Variants in MAPRE1 observed in about 807,000 individuals in gnomAD.
The protein encoded by MAPRE1 is microtubule-associated protein RP/EB family member 1.
In MAPRE1, 5 loss-of-function variants were observed where a neutral mutation model predicts 32.1. The observed-to-expected ratio is 0.16, with a 90% CI of 0.08 to 0.33. The LOEUF is 0.33. Ranked by LOEUF, MAPRE1 falls within the 10% of genes least tolerant of loss-of-function variation. The pLI, the probability that MAPRE1 is intolerant of heterozygous loss-of-function variation, is 1.00. For synonymous variants in MAPRE1, 122 were observed against 118.9 expected (o/e 1.03, Z -0.17); for missense variants, 209 against 327.2 (o/e 0.64, Z 2.79).
chr20:32,844,974 C>T (rs559884996), intron 5 of MAPRE1, among the ~76,000 whole-genome samples: 1 of 152,044 alleles, frequency 6.6e-6, no homozygotes, highest in Non-Finnish European at 1.5e-5. Flanking sequence ...TGCCGGCCAC[C>T]AGGCAGTAGC....
intron 2 of MAPRE1, 61 bp downstream of exon 2, chr20:32,826,109 A>G (rs1293901304): frequency 2.0e-6 from 3 of 1,506,130 alleles, no homozygotes; most frequent in Non-Finnish European, 2.7e-6. Context: ...AGGAATGTGA[A>G]GGCCTGTATC....
intron 2 of MAPRE1, among the ~76,000 whole-genome samples, chr20:32,826,333 C>T (rs965464849): frequency 6.7e-6 from 1 of 148,992 alleles, no homozygotes; most frequent in Non-Finnish European, 1.5e-5. Flanking sequence ...TCTCCTGCCT[C>T]AGTCTCCTGA....
intron 3 of MAPRE1, among the ~76,000 whole-genome samples, chr20:32,836,425 T>G (rs1305972503): frequency 6.6e-6 from 1 of 152,218 alleles, no homozygotes; most frequent in African/African-American, 2.4e-5. Context: ...TTCATACATT[T>G]GAGAGAGTGG....
At chr20:32,846,507 C>T in intron 5 of MAPRE1, 111 bp from the exon 6 acceptor site, 1 of 974,932 alleles carries the variant, frequency 1.0e-6, no homozygotes, top group African/African-American at 1.6e-5. Context: ...TGGTTTTTGT[C>T]TGTGTTGGGG....
At chr20:32,820,158 T>C (rs1490315371) in intron 1 of MAPRE1, 130 bp downstream of exon 1, 2 of 82,410 alleles carry the variant, frequency 2.4e-5, no homozygotes, top group Non-Finnish European at 4.9e-5. Context: ...TCGAGCCGGG[T>C]GGGGGAAGGG....
chr20:32,827,265 G>A (rs781261381), intron 2 of MAPRE1, among the ~76,000 whole-genome samples: 3 of 151,982 alleles, frequency 2.0e-5, no homozygotes, highest in Non-Finnish European at 4.4e-5. Context: ...AAAATTAGCC[G>A]GGGGTGGTGG....
At chr20:32,838,792 C>G (rs189884268) in intron 4 of MAPRE1, among the ~76,000 whole-genome samples, 2 of 152,284 alleles carry the variant, frequency 1.3e-5, no homozygotes, top group East Asian at 3.9e-4. Context: ...GAGAGTCATC[C>G]AGAGGAAATG....
intron 2 of MAPRE1, among the ~76,000 whole-genome samples, chr20:32,828,460 G>C (rs1274391636): frequency 1.3e-5 from 2 of 152,220 alleles, no homozygotes; most frequent in Non-Finnish European, 2.9e-5. Flanking sequence ...TCGGGCTCTA[G>C]GTTTATCTCA....
rs1248449004 is a variant in MAPRE1 at position 32,839,716 on chromosome 20, C to G, written c.476-19C>G. ...GGCTGGAATTACTCCTTTTCAAAAA[C>G]CTGTGCTCTCTTTTTCAGCTCCCCA... On this transcript the variant is annotated intron_variant, in intron 4 of 6. Transcript: ENST00000375571. 1 of 1,612,362 alleles carries G rather than the reference C, an allele frequency of 6.2e-7. No homozygotes were observed. Among genetic ancestry groups the G allele is most frequent in the South Asian group, 1.1e-5 (1 of 90,890 alleles).
At chr20:32,822,547 A>G (rs963781141) in intron 1 of MAPRE1, among the ~76,000 whole-genome samples, 4 of 152,128 alleles carry the variant, frequency 2.6e-5, no homozygotes, top group Non-Finnish European at 5.9e-5. Context: ...CAAGGTCCCT[A>G]CCCTACATCT....
At chr20:32,826,306 TCC>T (rs1982847002) in intron 2 of MAPRE1, among the ~76,000 whole-genome samples, 1 of 149,166 alleles carries the variant, frequency 6.7e-6, no homozygotes, top group Non-Finnish European at 1.5e-5. Context: ...AAGCTCCGCT[TCC>T]CGGGTTCACA....
At chr20:32,828,005 T>G (rs995627828) in intron 2 of MAPRE1, among the ~76,000 whole-genome samples, 1 of 151,916 alleles carries the variant, frequency 6.6e-6, no homozygotes. Context: ...TCGGTCTTAG[T>G]TTCATTGACT....
chr20:32,836,821 C>A lies in MAPRE1; in HGVS notation c.455C>A (p.Pro152His), dbSNP rs1486773300. 4 of 1,610,398 alleles carry A rather than the reference C, an allele frequency of 2.5e-6. No homozygotes were observed. The highest frequency in any genetic ancestry group is 3.4e-6 in the Non-Finnish European group (4 of 1,179,186). ...CCAGCTCTGAATAAACCGAAGAAAC[C>A]TCTCACTTCTAGCAGTGCAGGTAAA... ...VAPALNKPKKPLTSSSAAPQR... is the reference protein window; with the variant it reads ...VAPALNKPKKHLTSSSAAPQR... Residue 152 changes from proline (P) to histidine (H), a missense_variant, in exon 4 of 7, where the codon CCT becomes CAT. By Grantham distance (77) the Pro-to-His change is moderately conservative (BLOSUM62 -2). Transcript: ENST00000375571.
chr20:32,839,862 C>G lies in MAPRE1; in HGVS notation c.597+6C>G, dbSNP rs1983310894. 1 of 1,614,034 alleles carries G rather than the reference C, an allele frequency of 6.2e-7. No individual in the cohort carries two copies. Among genetic ancestry groups the G allele is most frequent in the African/African-American group, 1.3e-5 (1 of 75,058 alleles). On this transcript the variant is annotated splice_donor_region_variant and intron_variant, in intron 5 of 6. Coordinates refer to ENST00000375571, the MANE Select transcript of MAPRE1 (RefSeq NM_012325.3). ...CAGCTGAGTTGATGCAGCAGGTGGG[C>G]ACCCCTGTGTTTAGCACGTGAGTCA... is the stretch of plus-strand genomic sequence containing the variant.
chr20:32,830,657 G>C (rs1982990363), intron 2 of MAPRE1, among the ~76,000 whole-genome samples: 1 of 151,710 alleles, frequency 6.6e-6, no homozygotes, highest in Non-Finnish European at 1.5e-5. Flanking sequence ...CTTCCCTTTT[G>C]TTATATTGCA....
intron 1 of MAPRE1, among the ~76,000 whole-genome samples, chr20:32,820,576 AAAGT>A (rs1271272636): frequency 6.6e-6 from 1 of 152,166 alleles, no homozygotes; most frequent in African/African-American, 2.4e-5. Flanking sequence ...TGTATGGCAG[AAAGT>A]AAGCCAGCTC....
intron 4 of MAPRE1, among the ~76,000 whole-genome samples, chr20:32,837,270 A>G (rs1311516233): frequency 2.6e-5 from 4 of 152,146 alleles, no homozygotes; most frequent in Admixed American, 6.5e-5. Flanking sequence ...GGAAGTGTGT[A>G]GGTCTCTCAG....
chr20:32,836,905 C>T, intron 4 of MAPRE1, 64 bp downstream of exon 4: 1 of 1,451,306 alleles, frequency 6.9e-7, no homozygotes, highest in Non-Finnish European at 9.4e-7. Context: ...CAGCGTTCAA[C>T]TAGAATTTTT....
intron 2 of MAPRE1, among the ~76,000 whole-genome samples, chr20:32,831,260 A>G (rs935826003): frequency 6.6e-6 from 1 of 152,168 alleles, no homozygotes; most frequent in African/African-American, 2.4e-5. Flanking sequence ...CCTGGGCAAC[A>G]TGACAAAACC....
Sources: allele counts gnomAD v4.1 joint callset (sites outside exome capture counted in the v4.1 genomes callset), GRCh38; gene constraint gnomAD v4.1.1; transcripts MANE v1.5; gene names NCBI Gene and HGNC (gene_info 2026-07-23, HGNC 2026-07-21).